Variants in TTC12 observed in about 807,000 individuals in gnomAD.
The protein encoded by TTC12 is tetratricopeptide repeat domain 12.
In TTC12, 70 loss-of-function variants were observed where a neutral mutation model predicts 90.1. The observed-to-expected ratio is 0.78, with a 90% confidence interval of 0.64 to 0.95. The LOEUF is 0.95. TTC12 is among the 40% of genes least tolerant of loss of function. TTC12 has a pLI of 0.00. For synonymous variants in TTC12, 296 were observed against 311.5 expected (o/e 0.95, Z 0.53); for missense variants, 819 against 846.1 (o/e 0.97, Z 0.40).
intron 1 of TTC12, chr11:113,316,024 GCTGGAAGCTTT>G (rs1289976883): frequency 2.8e-6 from 1 of 361,574 alleles, no homozygotes; most frequent in Non-Finnish European, 4.9e-6. Flanking sequence ...TGGAAGGAGG[GCTGGAAGCTTT>G]CTGGAAGCAT....
intron 8 of TTC12, among the ~76,000 whole-genome samples, chr11:113,335,566 C>A (rs1429794257): frequency 6.6e-6 from 1 of 152,046 alleles, no homozygotes; most frequent in Admixed American, 6.6e-5. Context: ...AACCCCATAC[C>A]CATTAGTAGT....
chr11:113,359,325 G>A (rs1555153725), intron 16 of TTC12, 38 bp from the exon 17 acceptor site: 6 of 1,415,142 alleles, frequency 4.2e-6, no homozygotes, highest in Non-Finnish European at 6.0e-6. Context: ...AAGCTGTAAG[G>A]CAAAAAGGTC....
chr11:113,334,927 T>C, intron 7 of TTC12, 39 bp from the exon 8 acceptor site: 1 of 1,543,326 alleles, frequency 6.5e-7, no homozygotes, highest in Non-Finnish European at 9.0e-7. Context: ...TGACTTCACA[T>C]CTTCTAAAAC....
In TTC12 at chr11:113,364,828, C is replaced by T. The variant is rs1591220160; in HGVS notation, c.1817-7C>T. On this transcript the variant is annotated splice_region_variant and splice_polypyrimidine_tract_variant and intron_variant, in intron 20 of 21. Coordinates refer to ENST00000529221, the MANE Select transcript of TTC12 (RefSeq NM_017868.4). ...GAGCTGTTGCTTGTTCTCTTCTTTC[C>T]CTGCAGAGTTGAGCGTTATGATGAA... The T allele has an allele frequency of 2.5e-6, 4 of 1,613,156 alleles. No individual in the cohort carries two copies. The highest frequency in any genetic ancestry group is 3.4e-6 in the Non-Finnish European group (4 of 1,179,198).
At chr11:113,319,360 G>A (rs565915521) in intron 2 of TTC12, among the ~76,000 whole-genome samples, 6 of 152,222 alleles carry the variant, frequency 3.9e-5, no homozygotes, top group South Asian at 2.1e-4. Context: ...ACTAAATGTC[G>A]TGTAGTGTTC....
At chr11:113,350,786 G>T (rs1433438418) in intron 14 of TTC12, among the ~76,000 whole-genome samples, 1 of 152,252 alleles carries the variant, frequency 6.6e-6, no homozygotes, top group Non-Finnish European at 1.5e-5. Context: ...GAGCTCACAG[G>T]CAGGCCAGCC....
chr11:113,347,981 A>G (rs1591590764), intron 13 of TTC12, among the ~76,000 whole-genome samples: 1 of 152,094 alleles, frequency 6.6e-6, no homozygotes, highest in South Asian at 2.1e-4. Context: ...CCTCCTGGCT[A>G]TTCCTTTGTG....
At chr11:113,361,477 G>A (rs1555154980) in intron 18 of TTC12, among the ~76,000 whole-genome samples, 1 of 152,180 alleles carries the variant, frequency 6.6e-6, no homozygotes, top group Non-Finnish European at 1.5e-5. Context: ...GCAGTAGCAG[G>A]TTTGCCTTAT....
intron 13 of TTC12, 36 bp downstream of exon 13, chr11:113,344,476 T>C (rs1555147439): frequency 3.8e-6 from 6 of 1,591,764 alleles, no homozygotes; most frequent in Non-Finnish European, 5.2e-6. Flanking sequence ...CTGGGACATC[T>C]CATGTCATCA....
chr11:113,341,894 C>T lies in TTC12; in HGVS notation c.954C>T (p.Leu318=). 1 of 1,614,184 alleles carries T rather than the reference C, an allele frequency of 6.2e-7. No individual in the cohort carries two copies. The highest frequency in any genetic ancestry group is 1.3e-5 in the African/African-American group (1 of 75,028). The change falls in exon 12 of 22, where the codon CTC becomes CTT. Residue 318 remains leucine (L), a synonymous_variant. Transcript: ENST00000529221. ...AAGAAATGGTCTGTGTGTCTGTTCT[C>T]AAGCTCTGGCAAGCAGTGTGCAGCA... ...AVEEMVCVSV[L]KLWQAVCSRN... is the part of the protein sequence containing the mutation.
Position 113,316,230 on chromosome 11 carries a change from C to A in TTC12, c.-15-13C>A. The A allele has an allele frequency of 7.4e-7, 1 of 1,359,806 alleles. No homozygotes were observed. The highest frequency in any genetic ancestry group is 9.7e-7 in the Non-Finnish European group (1 of 1,030,250). 84.2% of individuals were successfully genotyped at this position (1,359,806 alleles called of 1,614,324 possible). On this transcript the variant is annotated splice_polypyrimidine_tract_variant and intron_variant, in intron 1 of 21. Transcript: ENST00000529221. ...TATTATTATTAATTTCACCATTATGCTGCATCCCTTAGGGATTCCGGTTCA... is the reference window on the plus strand; with the variant it reads ...TATTATTATTAATTTCACCATTATGATGCATCCCTTAGGGATTCCGGTTCA...
intron 8 of TTC12, among the ~76,000 whole-genome samples, chr11:113,336,692 A>G (rs1250460522): frequency 6.6e-6 from 1 of 152,160 alleles, no homozygotes; most frequent in East Asian, 1.9e-4. Context: ...TTGGACTTAC[A>G]GTTTTATTCC....
intron 15 of TTC12, among the ~76,000 whole-genome samples, chr11:113,351,836 C>T (rs1565614464): frequency 1.3e-5 from 2 of 152,172 alleles, no homozygotes; most frequent in African/African-American, 2.4e-5. Flanking sequence ...TTGCCCAGGT[C>T]CCTCCAGCTG....
intron 21 of TTC12, 72 bp downstream of exon 21, chr11:113,365,132 C>T: frequency 2.9e-6 from 4 of 1,402,022 alleles, no homozygotes; most frequent in Non-Finnish European, 3.0e-6. Context: ...TGAGTTTTGG[C>T]TGGGACTGCA....
intron 8 of TTC12, among the ~76,000 whole-genome samples, chr11:113,337,719 C>G (rs1319586410): frequency 1.3e-5 from 2 of 152,108 alleles, no homozygotes; most frequent in Admixed American, 6.5e-5. Flanking sequence ...ACTCTGACTG[C>G]CATGCCGAGC....
rs1431526602 is a variant in TTC12 at position 113,329,975 on chromosome 11, T to C, written c.500T>C (p.Leu167Pro). 9 of 1,612,702 alleles carry C rather than the reference T, an allele frequency of 5.6e-6. No individual in the cohort carries two copies. The highest frequency in any genetic ancestry group is 2.2e-5 in the East Asian group (1 of 44,886). The stretch of plus-strand genomic sequence containing the variant: ...GCACTGGTGGATTGTGAGTGGGCTC[T>C]CAAGGTAAGAGGGTATTTCTTTTCC... ...EKALVDCEWA[L>P]KCDEKCTKAY... Residue 167 changes from leucine (L) to proline (P), a missense_variant, in exon 7 of 22, where the codon CTC becomes CCC. Leu to Pro is a moderately conservative substitution (Grantham distance 98, BLOSUM62 -3). Transcript: ENST00000529221.
chr11:113,328,116 G>T (rs542095057), intron 6 of TTC12, among the ~76,000 whole-genome samples: 2 of 152,170 alleles, frequency 1.3e-5, no homozygotes, highest in African/African-American at 4.8e-5. Context: ...ACAATCCTAT[G>T]TGTAGTACTG....
chr11:113,340,956 G>C (rs116798584), intron 11 of TTC12, among the ~76,000 whole-genome samples: 1,687 of 152,308 alleles, frequency 0.011, 36 homozygotes, highest in African/African-American at 0.038. Flanking sequence ...GAGGCTGGGC[G>C]CGGTGGCTCA....
At chr11:113,353,848 T>C (rs1949461790) in intron 16 of TTC12, among the ~76,000 whole-genome samples, 1 of 152,156 alleles carries the variant, frequency 6.6e-6, no homozygotes, top group Non-Finnish European at 1.5e-5. Flanking sequence ...CAGTACCATG[T>C]GTTTTGGTTA....
Sources: allele counts gnomAD v4.1 joint callset (sites outside exome capture counted in the v4.1 genomes callset), GRCh38; gene constraint gnomAD v4.1.1; transcripts MANE v1.5; gene names NCBI Gene and HGNC (gene_info 2026-07-23, HGNC 2026-07-21).